The following MEF2C variants were observed in gnomAD, a reference collection of about 807,000 sequenced individuals.
MEF2C encodes the protein myocyte enhancer factor 2C.
A neutral mutation model predicts 50.5 loss-of-function variants in MEF2C; 6 were observed. The observed-to-expected ratio is 0.12, with a 90% CI of 0.07 to 0.23. The LOEUF is 0.23. Ranked by LOEUF, MEF2C falls within the 10% of genes least tolerant of loss-of-function variation. The probability of loss-of-function intolerance (pLI) is 1.00; values close to 1 mark genes in which losing one functional copy is unlikely to be tolerated. For synonymous variants in MEF2C, 183 were observed against 228.0 expected (o/e 0.80, Z 1.78); for missense variants, 276 against 605.0 (o/e 0.46, Z 5.70).
At chr5:88,722,985 A>G (rs972261754) in intron 10 of MEF2C, 60 bp from the exon 11 acceptor site, 2 of 1,376,860 alleles carry the variant, frequency 1.5e-6, no homozygotes, top group Non-Finnish European at 2.0e-6. Context: ...CCAGGAACTC[A>G]CAATTAAATC....
At chr5:88,810,319 T>C (rs1478475174) in intron 2 of MEF2C, among the ~76,000 whole-genome samples, 1 of 152,128 alleles carries the variant, frequency 6.6e-6, no homozygotes, top group Non-Finnish European at 1.5e-5. Flanking sequence ...AGAAGGTAAA[T>C]GATGTCTGGA....
At chr5:88,858,799 A>T (rs77654793) in intron 1 of MEF2C, among the ~76,000 whole-genome samples, 11,092 of 151,954 alleles carry the variant, frequency 0.073, 807 homozygotes, top group African/African-American at 0.19. Flanking sequence ...CGCTATTTTT[A>T]AAAAAAACAT....
intron 1 of MEF2C, among the ~76,000 whole-genome samples, chr5:88,849,422 T>C (rs945894414): frequency 5.9e-5 from 9 of 152,164 alleles, no homozygotes; most frequent in African/African-American, 2.4e-5. Flanking sequence ...TAAGGTCATA[T>C]GCACATAATA....
At chr5:88,817,350 T>C (rs1251168933) in intron 2 of MEF2C, among the ~76,000 whole-genome samples, 2 of 152,030 alleles carry the variant, frequency 1.3e-5, no homozygotes, top group Admixed American at 6.6e-5. Flanking sequence ...TAGTGTCGAA[T>C]AGACCAGATT....
At chr5:88,736,642 T>C (rs1197818950) in intron 6 of MEF2C, 62 of 985,218 alleles carry the variant, frequency 6.3e-5, no homozygotes, top group Non-Finnish European at 7.2e-5. Flanking sequence ...ATGCAAACTT[T>C]TGTGCATTTG....
At chr5:88,754,042 C>G (rs1452273163) in intron 4 of MEF2C, among the ~76,000 whole-genome samples, 1 of 152,158 alleles carries the variant, frequency 6.6e-6, no homozygotes, top group Non-Finnish European at 1.5e-5. Flanking sequence ...CCATCCAGAC[C>G]CACCCTCTAG....
At chr5:88,733,881 C>T in intron 6 of MEF2C, 1 of 985,306 alleles carries the variant, frequency 1.0e-6, no homozygotes, top group Non-Finnish European at 1.2e-6. Flanking sequence ...CAATTCCCTT[C>T]TATAAGAAAA....
chr5:88,817,729 T>C (rs1806150812), intron 2 of MEF2C: 1 of 152,024 alleles, frequency 6.6e-6, no homozygotes, highest in South Asian at 2.1e-4. Flanking sequence ...CTTACTATTT[T>C]AAGCCCTAAC....
intron 3 of MEF2C, chr5:88,782,089 A>G (rs1198140042): frequency 1.1e-6 from 1 of 940,520 alleles, no homozygotes; most frequent in Non-Finnish European, 1.3e-6. Context: ...AAAATTAAAA[A>G]GTGCACTACT....
chr5:88,831,220 CAT>C (rs78993855), intron 1 of MEF2C, among the ~76,000 whole-genome samples: 48 of 152,134 alleles, frequency 3.2e-4, no homozygotes, highest in African/African-American at 5.1e-4. Context: ...CATGTGTGCA[CAT>C]GTGTGCACAG....
At chr5:88,880,503 T>C (rs1437363972) in intron 1 of MEF2C, among the ~76,000 whole-genome samples, 1 of 152,128 alleles carries the variant, frequency 6.6e-6, no homozygotes, top group Non-Finnish European at 1.5e-5. Flanking sequence ...AACCACAAAA[T>C]ATACTACAAT....
intron 1 of MEF2C, among the ~76,000 whole-genome samples, chr5:88,842,690 C>T (rs533928899): frequency 2.0e-5 from 3 of 152,030 alleles, no homozygotes; most frequent in Non-Finnish European, 4.4e-5. Flanking sequence ...TGAAAAAATT[C>T]GCAGTAGGAA....
intron 4 of MEF2C, among the ~76,000 whole-genome samples, chr5:88,760,359 G>A (rs1482638303): frequency 1.3e-5 from 2 of 152,222 alleles, no homozygotes; most frequent in African/African-American, 4.8e-5. Flanking sequence ...AAATGTTGGT[G>A]GCAAAGCGGA....
intron 6 of MEF2C, chr5:88,735,171 A>C: frequency 1.0e-6 from 1 of 985,400 alleles, no homozygotes; most frequent in Non-Finnish European, 1.2e-6. Flanking sequence ...GCCTGCATTT[A>C]AACCGGCTGG....
At chr5:88,791,992 G>A (rs1658972959) in intron 3 of MEF2C, among the ~76,000 whole-genome samples, 1 of 151,990 alleles carries the variant, frequency 6.6e-6, no homozygotes, top group Non-Finnish European at 1.5e-5. Context: ...TAACAGAGGG[G>A]AGGGTAGACT....
intron 6 of MEF2C, chr5:88,746,600 T>C (rs1769785714): frequency 1.0e-6 from 1 of 985,400 alleles, no homozygotes; most frequent in Non-Finnish European, 1.2e-6. Context: ...TTGGAAGCTA[T>C]ATTTTGGCCT....
intron 6 of MEF2C, chr5:88,743,525 T>C (rs1482185379): frequency 2.0e-6 from 2 of 982,144 alleles, no homozygotes; most frequent in African/African-American, 3.5e-5. Flanking sequence ...CAATGCTAGA[T>C]GAATTACAAA....
chr5:88,886,419 G>T (rs974614040), upstream of MEF2C, among the ~76,000 whole-genome samples: 2 of 152,154 alleles, frequency 1.3e-5, no homozygotes, highest in Non-Finnish European at 2.9e-5. Flanking sequence ...TGTACTAGGT[G>T]TCAGGAGACC....
intron 1 of MEF2C, among the ~76,000 whole-genome samples, chr5:88,862,610 G>A (rs1825880481): frequency 6.6e-6 from 1 of 151,986 alleles, no homozygotes; most frequent in East Asian, 1.9e-4. Context: ...AGAGATGTAA[G>A]TTGAATCTCC....
Sources: allele counts gnomAD v4.1 joint callset (sites outside exome capture counted in the v4.1 genomes callset), GRCh38; gene constraint gnomAD v4.1.1; transcripts MANE v1.5; gene names NCBI Gene and HGNC (gene_info 2026-07-23, HGNC 2026-07-21).